The following EYS variants were observed in gnomAD, a reference collection of about 807,000 sequenced individuals.
EYS encodes protein eyes shut homolog.
A neutral mutation model predicts 282.1 loss-of-function variants in EYS; 250 were observed. The observed-to-expected ratio is 0.89, with a 90% CI of 0.80 to 0.98. The LOEUF is 0.98. Ranked by LOEUF, EYS falls within the 50% of genes least tolerant of loss-of-function variation. EYS has a pLI of 0.00. For synonymous variants in EYS, 1,355 were observed against 1,282.9 expected (o/e 1.06, Z -1.20); for missense variants, 4,016 against 3,709.0 (o/e 1.08, Z -2.15).
At chr6:63,895,947 A>G (rs937460181) in intron 35 of EYS, among the ~76,000 whole-genome samples, 2 of 112,472 alleles carry the variant, frequency 1.8e-5, no homozygotes, top group African/African-American at 7.7e-5. Context: ...AAAGCTTTTT[A>G]TAAGCTTGAC....
intron 5 of EYS, among the ~76,000 whole-genome samples, chr6:65,463,800 A>C (rs984031368): frequency 1.3e-4 from 20 of 152,100 alleles, no homozygotes; most frequent in Admixed American, 3.9e-4. Context: ...ATTTATGCCT[A>C]GTGTTCCATT....
At chr6:65,598,661 T>A (rs1426480731) in intron 2 of EYS, among the ~76,000 whole-genome samples, 1 of 152,110 alleles carries the variant, frequency 6.6e-6, no homozygotes, top group East Asian at 1.9e-4. Context: ...GGAAATTACA[T>A]CCTGGTTTCT....
chr6:65,358,177 A>G (rs1431824036), intron 8 of EYS, among the ~76,000 whole-genome samples: 5 of 151,934 alleles, frequency 3.3e-5, no homozygotes, highest in Non-Finnish European at 7.4e-5. Context: ...TAATATTTGG[A>G]ACTGATGCTT....
chr6:64,413,468 C>CA (rs1194585561), intron 28 of EYS, among the ~76,000 whole-genome samples: 2 of 151,478 alleles, frequency 1.3e-5, no homozygotes, highest in Non-Finnish European at 2.9e-5. Flanking sequence ...ACAAAATCTT[C>CA]AAAAAACTGT....
At chr6:64,487,709 C>T (rs1031068510) in intron 26 of EYS, among the ~76,000 whole-genome samples, 3 of 150,786 alleles carry the variant, frequency 2.0e-5, no homozygotes, top group Non-Finnish European at 4.5e-5. Context: ...TGAGTATTTA[C>T]ATATGTTATT....
intron 2 of EYS, among the ~76,000 whole-genome samples, chr6:65,595,219 A>C (rs1047638775): frequency 2.6e-5 from 4 of 152,120 alleles, no homozygotes; most frequent in Non-Finnish European, 5.9e-5. Flanking sequence ...TATCGCAAGA[A>C]CAAAAAACCA....
rs1770156157 is a variant in EYS at position 64,686,868 on chromosome 6, CGT to C, written c.3444-60625_3444-60624del. The stretch of plus-strand genomic sequence containing the variant: ...ATATATATATATGTGTATATATATA[CGT>C]GTATATATATATACACACACATATA... On this transcript the variant is annotated intron_variant, in intron 22 of 42. Transcript: ENST00000503581. Among the ~76,000 whole-genome samples, 2 of 80,268 alleles carry C rather than the reference CGT, an allele frequency of 2.5e-5. 1 individual carries two copies. The highest frequency in any genetic ancestry group is 4.8e-5 in the Non-Finnish European group (2 of 42,028). The allele number at this position is 80,268 out of a possible 152,430, so 52.7% of individuals were successfully genotyped here. A position where few individuals can be genotyped will look rare whatever the true frequency, so the allele number is the denominator to read the frequency against.
intron 8 of EYS, among the ~76,000 whole-genome samples, chr6:65,364,440 G>T (rs1352138904): frequency 1.3e-5 from 2 of 150,898 alleles, no homozygotes; most frequent in African/African-American, 4.8e-5. Context: ...TGCATGAGTT[G>T]AAAAAAATTT....
At chr6:65,168,480 CTG>C (rs1765027647) in intron 12 of EYS, among the ~76,000 whole-genome samples, 1 of 151,250 alleles carries the variant, frequency 6.6e-6, no homozygotes, top group South Asian at 2.1e-4. Context: ...TATCTCTTCA[CTG>C]TCTCTTCCCT....
chr6:65,427,851 C>T (rs1767722335), intron 5 of EYS, among the ~76,000 whole-genome samples: 2 of 151,840 alleles, frequency 1.3e-5, no homozygotes, highest in Admixed American at 6.6e-5. Context: ...GGAGAGAAAG[C>T]AGGAGATTCA....
chr6:64,519,772 A>G (rs1236483636), intron 26 of EYS, among the ~76,000 whole-genome samples: 1 of 151,852 alleles, frequency 6.6e-6, no homozygotes, highest in African/African-American at 2.4e-5. Flanking sequence ...ACCTTAAACT[A>G]TGGAAGAGGG....
intron 11 of EYS, among the ~76,000 whole-genome samples, chr6:65,301,820 A>G (rs1468265369): frequency 6.6e-6 from 1 of 152,120 alleles, no homozygotes; most frequent in Non-Finnish European, 1.5e-5. Flanking sequence ...GAAGGCCTAT[A>G]CTGTTGACAT....
intron 35 of EYS, among the ~76,000 whole-genome samples, chr6:63,894,933 C>T (rs1341657797): frequency 2.0e-5 from 3 of 151,952 alleles, no homozygotes; most frequent in Non-Finnish European, 4.4e-5. Flanking sequence ...TTTGTTATGG[C>T]AGCCCCAGAA....
chr6:65,519,064 T>C (rs1018026780), intron 2 of EYS, among the ~76,000 whole-genome samples: 7 of 152,168 alleles, frequency 4.6e-5, no homozygotes. Context: ...GATTCTTGTG[T>C]GTTCTATCAA....
At chr6:64,061,844 G>T (rs1342236985) in intron 33 of EYS, among the ~76,000 whole-genome samples, 1 of 151,928 alleles carries the variant, frequency 6.6e-6, no homozygotes, top group Non-Finnish European at 1.5e-5. Context: ...ACAAAAGTTA[G>T]CCAGGTGTGG....
At chr6:65,555,248 G>A (rs1768752617) in intron 2 of EYS, among the ~76,000 whole-genome samples, 2 of 151,906 alleles carry the variant, frequency 1.3e-5, no homozygotes, top group Non-Finnish European at 2.9e-5. Context: ...ATTCTACTTT[G>A]TGAAATAAAC....
intron 33 of EYS, among the ~76,000 whole-genome samples, chr6:64,031,438 C>T (rs932650926): frequency 6.6e-6 from 1 of 152,240 alleles, no homozygotes; most frequent in Non-Finnish European, 1.5e-5. Flanking sequence ...CGGCCCAAGC[C>T]TCCCTGATCA....
intron 15 of EYS, among the ~76,000 whole-genome samples, chr6:64,945,200 T>A (rs962736196): frequency 6.7e-6 from 1 of 148,944 alleles, no homozygotes. Context: ...ATATGCTGAA[T>A]CTATAAGGAA....
intron 14 of EYS, among the ~76,000 whole-genome samples, chr6:64,955,628 TATC>T: frequency 6.6e-6 from 1 of 152,306 alleles, no homozygotes; most frequent in East Asian, 1.9e-4. Flanking sequence ...CTAATTGTAA[TATC>T]ATCGGCATTG....
Sources: gnomAD v4.1 joint callset for allele counts (sites outside exome capture counted in the v4.1 genomes callset) on GRCh38, gnomAD v4.1.1 for gene constraint, MANE v1.5 for transcripts, NCBI Gene and HGNC (gene_info 2026-07-23, HGNC 2026-07-21) for gene names.